INPP4B: variants seen among roughly 807,000 people sequenced by gnomAD.
INPP4B encodes the protein inositol polyphosphate 4-phosphatase type II.
Under a neutral mutation model 122.5 loss-of-function variants are expected in INPP4B, and 55 were observed. The observed-to-expected ratio is 0.45, with a 90% CI of 0.36 to 0.56. The LOEUF (loss-of-function observed/expected upper bound fraction) is 0.56. Among genes scored for constraint, INPP4B ranks in the 20% least tolerant of loss-of-function variants. INPP4B has a pLI of 0.00. For synonymous variants in INPP4B, 403 were observed against 388.7 expected (o/e 1.04, Z -0.43); for missense variants, 1,000 against 1,097.7 (o/e 0.91, Z 1.26).
At chr4:142,153,971 G>T (rs1348170063) in intron 17 of INPP4B, among the ~76,000 whole-genome samples, 1 of 152,092 alleles carries the variant, frequency 6.6e-6, no homozygotes, top group Non-Finnish European at 1.5e-5. Context: ...CTTAATATTG[G>T]ATAAGTATTC....
chr4:142,619,558 T>G (rs1744439008), intron 2 of INPP4B, among the ~76,000 whole-genome samples: 2 of 152,088 alleles, frequency 1.3e-5, no homozygotes, highest in South Asian at 4.2e-4. Context: ...ATATAAAAGG[T>G]TCAAACACAC....
intron 18 of INPP4B, among the ~76,000 whole-genome samples, chr4:142,137,366 C>T (rs1805022869): frequency 7.5e-6 from 1 of 134,040 alleles, no homozygotes. Flanking sequence ...CTTCCTTACA[C>T]CTTATACAAA....
At chr4:142,826,608 C>CT (rs1444560743) in intron 1 of INPP4B, among the ~76,000 whole-genome samples, 12 of 151,996 alleles carry the variant, frequency 7.9e-5, no homozygotes, top group African/African-American at 2.9e-4. Context: ...ATCTGCCCTC[C>CT]TGAACAAGTT....
At chr4:142,385,644 G>A (rs570346418) in intron 7 of INPP4B, among the ~76,000 whole-genome samples, 1 of 152,222 alleles carries the variant, frequency 6.6e-6, no homozygotes, top group South Asian at 2.1e-4. Flanking sequence ...ATGTAAGTGT[G>A]AAAGTACTAA....
chr4:142,088,478 A>G (rs1389302500), intron 23 of INPP4B, among the ~76,000 whole-genome samples: 1 of 147,794 alleles, frequency 6.8e-6, no homozygotes, highest in African/African-American at 2.4e-5. Flanking sequence ...ATTAATGAAT[A>G]AACTTATTTG....
chr4:142,611,369 C>T (rs1419798148), intron 2 of INPP4B, among the ~76,000 whole-genome samples: 1 of 152,216 alleles, frequency 6.6e-6, no homozygotes, highest in East Asian at 1.9e-4. Context: ...CAGACACGAA[C>T]CATACCAGAA....
At chr4:142,356,761 TATTCTAATGAGGTGACTCTTGGTG>T (rs1783746247) in intron 7 of INPP4B, among the ~76,000 whole-genome samples, 1 of 151,878 alleles carries the variant, frequency 6.6e-6, no homozygotes, top group Non-Finnish European at 1.5e-5. Flanking sequence ...GAGGGTCTTT[TATTCTAATGAGGTGACTCTTGGTG>T]GGATGCTGGA....
At chr4:142,664,791 T>C (rs1052064175) in intron 2 of INPP4B, among the ~76,000 whole-genome samples, 1 of 152,222 alleles carries the variant, frequency 6.6e-6, no homozygotes, top group Non-Finnish European at 1.5e-5. Context: ...AATTAAATTT[T>C]GCTTTTTTCA....
At chr4:142,519,893 T>G (rs1300782414) in intron 2 of INPP4B, among the ~76,000 whole-genome samples, 1 of 152,100 alleles carries the variant, frequency 6.6e-6, no homozygotes, top group African/African-American at 2.4e-5. Context: ...TGAAAACTTT[T>G]GGATACCTGA....
intron 5 of INPP4B, among the ~76,000 whole-genome samples, chr4:142,418,033 C>T (rs1806129762): frequency 6.6e-6 from 1 of 152,190 alleles, no homozygotes; most frequent in African/African-American, 2.4e-5. Flanking sequence ...ATAATTTTGG[C>T]TCCCCAATTC....
intron 2 of INPP4B, among the ~76,000 whole-genome samples, chr4:142,509,052 A>G (rs915740985): frequency 3.8e-4 from 58 of 152,186 alleles, no homozygotes; most frequent in African/African-American, 1.4e-3. Context: ...CAACTGATAA[A>G]TAACTTTTGA....
chr4:142,286,461 T>C (rs530228782), intron 9 of INPP4B, among the ~76,000 whole-genome samples: 1 of 152,332 alleles, frequency 6.6e-6, no homozygotes, highest in South Asian at 2.1e-4. Context: ...TCCAGAGAGA[T>C]TGCTGTATAT....
At chr4:142,281,137 T>C (rs1751008694) in intron 9 of INPP4B, among the ~76,000 whole-genome samples, 1 of 151,454 alleles carries the variant, frequency 6.6e-6, no homozygotes, top group African/African-American at 2.4e-5. Flanking sequence ...TAGTTTTGAG[T>C]AAGAGAAAGA....
At chr4:142,345,775 C>G (rs1430688832) in intron 7 of INPP4B, among the ~76,000 whole-genome samples, 1 of 151,784 alleles carries the variant, frequency 6.6e-6, no homozygotes. Flanking sequence ...TCAAAAGGAC[C>G]AGAATAATAA....
chr4:142,486,630 T>G (rs1178895800), intron 2 of INPP4B, among the ~76,000 whole-genome samples: 1 of 152,136 alleles, frequency 6.6e-6, no homozygotes, highest in East Asian at 1.9e-4. Context: ...CTCTAATTTA[T>G]CAGTTTTCCA....
chr4:142,341,031 A>G (rs1778532798), intron 7 of INPP4B, among the ~76,000 whole-genome samples: 1 of 152,226 alleles, frequency 6.6e-6, no homozygotes, highest in Non-Finnish European at 1.5e-5. Context: ...ACTGGACACT[A>G]TGATGATAAC....
intron 2 of INPP4B, among the ~76,000 whole-genome samples, chr4:142,527,821 T>C (rs1288993175): frequency 6.6e-6 from 1 of 152,078 alleles, no homozygotes; most frequent in East Asian, 1.9e-4. Context: ...ACTGTTTTTT[T>C]CATTATTTGT....
intron 5 of INPP4B, among the ~76,000 whole-genome samples, chr4:142,411,888 T>C (rs1804672228): frequency 6.6e-6 from 1 of 152,060 alleles, no homozygotes; most frequent in Non-Finnish European, 1.5e-5. Flanking sequence ...TGAGACTCTG[T>C]CTCAAAAACA....
At chr4:142,626,159 T>G (rs1746338657) in intron 2 of INPP4B, among the ~76,000 whole-genome samples, 1 of 152,120 alleles carries the variant, frequency 6.6e-6, no homozygotes, top group Admixed American at 6.6e-5. Flanking sequence ...AAAGAGCTTC[T>G]GCACAACAAA....
Sources: allele counts gnomAD v4.1 joint callset (sites outside exome capture counted in the v4.1 genomes callset), GRCh38; gene constraint gnomAD v4.1.1; transcripts MANE v1.5; gene names NCBI Gene and HGNC (gene_info 2026-07-23, HGNC 2026-07-21).